The following KCNQ1 variants were observed in gnomAD, a reference collection of about 807,000 sequenced individuals.
KCNQ1 encodes potassium voltage-gated channel subfamily KQT member 1.
A neutral mutation model predicts 72.4 loss-of-function variants in KCNQ1; 49 were observed. The ratio of observed to expected loss-of-function variants is 0.68; its 90% CI spans 0.54 to 0.86. The LOEUF is 0.86. Ranked by LOEUF, KCNQ1 falls within the 40% of genes least tolerant of loss-of-function variation. KCNQ1 has a pLI of 0.00. For synonymous variants in KCNQ1, 450 were observed against 412.6 expected (o/e 1.09, Z -1.10); for missense variants, 790 against 945.1 (o/e 0.84, Z 2.15).
Position 2,826,672 on chromosome 11 carries a change from G to C in KCNQ1, c.1795-21095G>C, listed in dbSNP as rs143940302. On this transcript the variant is annotated intron_variant, in intron 15 of 15. Coordinates refer to ENST00000155840, the MANE Select transcript of KCNQ1 (RefSeq NM_000218.3). This position sits in a 1 kb window ranked among gnomAD's most constrained non-coding sequence, Gnocchi z 4.2. ...CCACTGTGCTCCCAGAGGGAGAACA[G>C]AGAGGGGTGCAGAGGGCCAGAGAGG... Among the ~76,000 whole-genome samples the C allele has an allele frequency of 2.6e-5, 4 of 152,370 alleles. No individual in the cohort carries two copies. Among genetic ancestry groups the C allele is most frequent in the Non-Finnish European group, 5.9e-5 (4 of 68,024 alleles).
chr11:2,638,897 G>C (rs1324524532), intron 10 of KCNQ1: 10 of 152,144 alleles, frequency 6.6e-5, no homozygotes, highest in Non-Finnish European at 1.5e-4. Context: ...ATATTTCTTG[G>C]AGGCTTTGTT....
Position 2,491,667 on chromosome 11 carries a change from A to G in KCNQ1, c.387-36261A>G, listed in dbSNP as rs1041179517. On this transcript the variant is annotated intron_variant, in intron 1 of 15. Coordinates refer to ENST00000155840, the MANE Select transcript of KCNQ1 (RefSeq NM_000218.3). The surrounding 1 kb of genome is among the most constrained non-coding windows in gnomAD (Gnocchi z 4.1). ...GGGTAGAAAGCTTATTCAAAGGGAT[A>G]CTAACATAGAACTTCCCAAACCTAG... Among the ~76,000 whole-genome samples the G allele has an allele frequency of 2.0e-5, 3 of 152,172 alleles. No homozygotes were observed. The highest frequency in any genetic ancestry group is 4.4e-5 in the Non-Finnish European group (3 of 68,042).
rs1003683492 is a variant in KCNQ1, at chr11:2,623,361, C to T, written c.1393+34507C>T. The T allele has an allele frequency of 1.3e-5, 5 of 398,438 alleles. No homozygotes were observed. Among genetic ancestry groups the T allele is most frequent in the East Asian group, 3.6e-5 (1 of 28,076 alleles). The allele number at this position is 398,438 out of a possible 1,614,324, so 24.7% of individuals were successfully genotyped here. A position where few individuals can be genotyped will look rare whatever the true frequency, so the allele number is the denominator to read the frequency against. On this transcript the variant is annotated intron_variant, in intron 10 of 15. Coordinates refer to ENST00000155840, the MANE Select transcript of KCNQ1 (RefSeq NM_000218.3). This position sits in a 1 kb window ranked among gnomAD's most constrained non-coding sequence, Gnocchi z 5.2. ...CTACCATTATAGTATCATACAGATA[C>T]GTATATTTACATATATTTGTACATT...
chr11:2,582,637 A>T (rs1160994879), intron 6 of KCNQ1, among the ~76,000 whole-genome samples: 1 of 152,154 alleles, frequency 6.6e-6, no homozygotes, highest in African/African-American at 2.4e-5. Context: ...TGCTGTCCAG[A>T]TGAGCCCAGG....
chr11:2,783,408 A>G lies in KCNQ1; in HGVS notation c.1794+5371A>G, dbSNP rs377179498. 6.6e-6 allele frequency among the ~76,000 whole-genome samples: 1 copy of G among 152,102 alleles called. No individual in the cohort carries two copies. ...AAATGTGCCTTCTGTACTTGAAAACAAGGTATATTCTGACATTGTTGGGTG... is the reference window on the plus strand; with the variant it reads ...AAATGTGCCTTCTGTACTTGAAAACGAGGTATATTCTGACATTGTTGGGTG... On this transcript the variant is annotated intron_variant, in intron 15 of 15. Coordinates refer to ENST00000155840, the MANE Select transcript of KCNQ1 (RefSeq NM_000218.3). The surrounding 1 kb of genome is among the most constrained non-coding windows in gnomAD (Gnocchi z 5.2).
intron 15 of KCNQ1, among the ~76,000 whole-genome samples, chr11:2,788,579 C>G (rs1004246219): frequency 2.1e-4 from 31 of 146,628 alleles, no homozygotes; most frequent in Non-Finnish European, 4.3e-4. Context: ...ACCCAACACT[C>G]CTCTCTCTGC....
intron 7 of KCNQ1, 114 bp downstream of exon 7, chr11:2,583,659 T>C: frequency 2.5e-6 from 2 of 792,164 alleles, no homozygotes; most frequent in South Asian, 2.8e-5. Flanking sequence ...AAGAGGGTGC[T>C]TCCCTTCTAG....
chr11:2,690,778 G>C lies in KCNQ1; in HGVS notation c.1514+28697G>C. On this transcript the variant is annotated intron_variant, in intron 11 of 15. Transcript: ENST00000155840. This position sits in a 1 kb window ranked among gnomAD's most constrained non-coding sequence, Gnocchi z 5.1. ...CTTAGGTGGATGTGGCCTGGCAGGG[G>C]GTCAGCAGGAGGGAGGTCCCTGTCT... The C allele has an allele frequency of 2.5e-6, 1 of 398,626 alleles. No individual in the cohort carries two copies. The highest frequency in any genetic ancestry group is 4.4e-6 in the Non-Finnish European group (1 of 226,082). 24.7% of individuals were successfully genotyped at this position (398,626 alleles called of 1,614,324 possible). A position where few individuals can be genotyped will look rare whatever the true frequency, so the allele number is the denominator to read the frequency against.
chr11:2,660,829 C>G, intron 10 of KCNQ1: 1 of 398,546 alleles, frequency 2.5e-6, no homozygotes, highest in Non-Finnish European at 4.4e-6. Context: ...AAGGACACAC[C>G]CTCTCACCCT....
At chr11:2,739,270 G>A (rs1283862811) in intron 11 of KCNQ1, among the ~76,000 whole-genome samples, 1 of 152,186 alleles carries the variant, frequency 6.6e-6, no homozygotes, top group African/African-American at 2.4e-5. Flanking sequence ...CCCTGTGTGA[G>A]GTACTGAGAG....
intron 15 of KCNQ1, among the ~76,000 whole-genome samples, chr11:2,792,226 G>A (rs1339586242): frequency 6.6e-6 from 1 of 152,188 alleles, no homozygotes; most frequent in Non-Finnish European, 1.5e-5. Flanking sequence ...CTCTCCACGT[G>A]TGGAAGACGC....
At chr11:2,751,771 C>T (rs1221632329) in intron 11 of KCNQ1, among the ~76,000 whole-genome samples, 2 of 152,252 alleles carry the variant, frequency 1.3e-5, no homozygotes, top group African/African-American at 2.4e-5. Flanking sequence ...GACTGGTCCC[C>T]ATAGCCAAGG....
chr11:2,621,876 C>T lies in KCNQ1; in HGVS notation c.1393+33022C>T, dbSNP rs1849178285. 1.0e-5 allele frequency: 4 copies of T among 397,940 alleles called. No homozygotes were observed. The highest frequency in any genetic ancestry group is 6.2e-5 in the African/African-American group (3 of 48,532). 24.7% of individuals were successfully genotyped at this position (397,940 alleles called of 1,614,324 possible). ...CCTATGGTTTTTCTTTCTAACTTGT[C>T]TCTGTTCTGATCTTTATTATTTCCT... is the stretch of plus-strand genomic sequence containing the variant. On this transcript the variant is annotated intron_variant, in intron 10 of 15. Coordinates refer to ENST00000155840, the MANE Select transcript of KCNQ1 (RefSeq NM_000218.3). The surrounding 1 kb of genome is among the most constrained non-coding windows in gnomAD (Gnocchi z 5.7).
In KCNQ1 at chr11:2,613,312, C is replaced by G; in HGVS notation, c.1393+24458C>G. On this transcript the variant is annotated intron_variant, in intron 10 of 15. Transcript: ENST00000155840. The surrounding 1 kb of genome is among the most constrained non-coding windows in gnomAD (Gnocchi z 4.8). The stretch of plus-strand genomic sequence containing the variant: ...TACAACTTCCATATCTCCAGAATTC[C>G]TTTTAAAATTTTTCTTAATCTGTCG... The G allele has an allele frequency of 2.5e-6, 1 of 398,502 alleles. No homozygotes were observed. Among genetic ancestry groups the G allele is most frequent in the Non-Finnish European group, 4.4e-6 (1 of 226,046 alleles). The allele number at this position is 398,502 out of a possible 1,614,324, so 24.7% of individuals were successfully genotyped here.
At chr11:2,470,803 C>G (rs56075656) in intron 1 of KCNQ1, among the ~76,000 whole-genome samples, 4,128 of 152,184 alleles carry the variant, frequency 0.027, 202 homozygotes, top group African/African-American at 0.096. Context: ...GCCTCCCATT[C>G]TCTTAATAGT....
intron 10 of KCNQ1, among the ~76,000 whole-genome samples, chr11:2,589,196 G>GTGGCTAGGGTGA (rs1848638372): frequency 6.6e-6 from 1 of 152,234 alleles, no homozygotes; most frequent in Non-Finnish European, 1.5e-5. Context: ...TGGTTGGAAA[G>GTGGCTAGGGTGA]TGGCTAGGGT....
Position 2,651,644 on chromosome 11 carries a change from T to C in KCNQ1, c.1394-10317T>C. 1 of 398,698 alleles carries C rather than the reference T, an allele frequency of 2.5e-6. No homozygotes were observed. Among genetic ancestry groups the C allele is most frequent in the Non-Finnish European group, 4.4e-6 (1 of 226,100 alleles). 24.7% of individuals were successfully genotyped at this position (398,698 alleles called of 1,614,324 possible). A position where few individuals can be genotyped will look rare whatever the true frequency, so the allele number is the denominator to read the frequency against. ...CTGCCTGCCCCACCTGGGGTCTCTG[T>C]CTCTCCCACAGCTCACTGACATTAG... On this transcript the variant is annotated intron_variant, in intron 10 of 15. Coordinates refer to ENST00000155840, the MANE Select transcript of KCNQ1 (RefSeq NM_000218.3). The surrounding 1 kb of genome is among the most constrained non-coding windows in gnomAD (Gnocchi z 6.1).
intron 11 of KCNQ1, chr11:2,665,683 C>T: frequency 2.5e-6 from 1 of 398,136 alleles, no homozygotes; most frequent in Non-Finnish European, 4.4e-6. Flanking sequence ...TCGAATGGTG[C>T]CAGGAGGGAG....
chr11:2,708,153 G>C (rs945283093), intron 11 of KCNQ1, among the ~76,000 whole-genome samples: 16 of 152,192 alleles, frequency 1.1e-4, no homozygotes, highest in Non-Finnish European at 1.8e-4. Context: ...GTTTTTTATG[G>C]AACTGGGCTG....
Sources: allele counts gnomAD v4.1 joint callset (sites outside exome capture counted in the v4.1 genomes callset), GRCh38; gene constraint gnomAD v4.1.1; non-coding constraint Gnocchi (gnomAD v3.1); transcripts MANE v1.5; gene names NCBI Gene and HGNC (gene_info 2026-07-23, HGNC 2026-07-21).